MYO10: variants seen among roughly 807,000 people sequenced by gnomAD.
MYO10 encodes unconventional myosin-X.
In MYO10, 133 loss-of-function variants were observed where a neutral mutation model predicts 257.3. The ratio of observed to expected loss-of-function variants is 0.52; its 90% CI spans 0.45 to 0.60. The LOEUF is 0.60. Ranked by LOEUF, MYO10 falls within the 20% of genes least tolerant of loss-of-function variation. MYO10 has a pLI of 0.00. For missense variants in MYO10, 2,399 were observed against 2,635.7 expected (o/e 0.91, Z 1.97); for synonymous variants, 1,104 against 1,028.6 (o/e 1.07, Z -1.40).
chr5:16,754,888 C>A lies in MYO10; in HGVS notation c.1869G>T (p.Met623Ile). The A allele has an allele frequency of 6.2e-7, 1 of 1,600,262 alleles. No individual in the cohort carries two copies. Among genetic ancestry groups the A allele is most frequent in the Non-Finnish European group, 8.5e-7 (1 of 1,171,408 alleles). Residue 623 changes from methionine to isoleucine, a missense_variant, in exon 19 of 41, where the codon ATG becomes ATT. By Grantham distance (10) the Met-to-Ile change is conservative (BLOSUM62 1). This residue lies in a region of MYO10 where 1,820 missense variants were observed against 1,939.4 expected (regional missense o/e 0.94). Transcript: ENST00000513610. ...SQFKDSLHSL[M>I]ATLSSSNPFF... is the part of the protein sequence containing the mutation. ...AAGGATTAGAGGAGCTTAGCGTTGC[C>A]ATTAAGGAATGCAGTGAGTCCTATT...
At position 16,833,220 on chromosome 5, in the gene MYO10, T is replaced by G. The variant is rs530427649; in HGVS notation, c.121-15053A>C. Among the ~76,000 whole-genome samples, 5 of 89,410 alleles carry G rather than the reference T, an allele frequency of 5.6e-5. No homozygotes were observed. The East Asian group carries it at 1.8e-3, about 33-fold the overall frequency. 58.7% of individuals were successfully genotyped at this position (89,410 alleles called of 152,430 possible). The stretch of plus-strand genomic sequence containing the variant: ...TAAAATATATTTTACTAGGTTTGTT[T>G]TTTTTTTTTTTGAGATTGAGTCTTA... On this transcript the variant is annotated intron_variant, in intron 2 of 40. Coordinates refer to ENST00000513610, the MANE Select transcript of MYO10 (RefSeq NM_012334.3).
intron 2 of MYO10, among the ~76,000 whole-genome samples, chr5:16,860,978 C>T (rs1356589425): frequency 2.0e-5 from 3 of 152,182 alleles, no homozygotes; most frequent in Admixed American, 1.3e-4. Flanking sequence ...ATGGCCATTT[C>T]ATCTATGAAA....
At position 16,665,652 on chromosome 5, in the gene MYO10, TTATATCTG is replaced by T. The variant is rs539191295; in HGVS notation, c.*1032_*1039del. ...CTCTCCCCCATAGTCAACATGGTTA[TTATATCTG>T]TAATCTATCCAGAATGATAGAAGCT... On this transcript the variant is annotated 3_prime_UTR_variant, in exon 41 of 41. Coordinates refer to ENST00000513610, the MANE Select transcript of MYO10 (RefSeq NM_012334.3). 1.4e-4 allele frequency: 21 copies of T among 152,604 alleles called. No homozygotes were observed. The highest frequency in any genetic ancestry group is 5.2e-4 in the Admixed American group (8 of 15,308). The allele number at this position is 152,604 out of a possible 1,614,324, so 9.5% of individuals were successfully genotyped here.
chr5:16,686,439 A>G (rs571591412), intron 28 of MYO10, among the ~76,000 whole-genome samples: 5 of 152,240 alleles, frequency 3.3e-5, no homozygotes, highest in Non-Finnish European at 7.4e-5. Flanking sequence ...CAAATATTCC[A>G]AACTCCAAAA....
At chr5:16,743,689 G>A (rs1579940085) in intron 19 of MYO10, among the ~76,000 whole-genome samples, 1 of 151,800 alleles carries the variant, frequency 6.6e-6, no homozygotes, top group African/African-American at 2.4e-5. Flanking sequence ...CTTTGACCAG[G>A]GAATCAGAAA....
intron 13 of MYO10, 27 bp downstream of exon 13, chr5:16,763,628 T>A (rs754081640): frequency 3.9e-5 from 60 of 1,552,714 alleles, no homozygotes; most frequent in Non-Finnish European, 5.1e-5. Flanking sequence ...AAAAAAAAAA[T>A]TGAAATGGAA....
intron 21 of MYO10, among the ~76,000 whole-genome samples, chr5:16,710,158 C>T (rs1026922411): frequency 2.6e-5 from 4 of 152,218 alleles, no homozygotes; most frequent in South Asian, 2.1e-4. Flanking sequence ...ATTCACTCTT[C>T]GAGGACACAT....
intron 11 of MYO10, 72 bp from the exon 12 acceptor site, chr5:16,764,468 A>C (rs1028741915): frequency 1.9e-6 from 3 of 1,549,020 alleles, no homozygotes; most frequent in South Asian, 1.2e-5. Flanking sequence ...TCCATTCCCC[A>C]CTTGAGAGAC....
intron 21 of MYO10, among the ~76,000 whole-genome samples, chr5:16,708,851 C>G (rs887071035): frequency 3.9e-5 from 6 of 152,218 alleles, no homozygotes; most frequent in Non-Finnish European, 8.8e-5. Flanking sequence ...ATGTGAGCCA[C>G]TGTGCCTGGC....
chr5:16,930,822 G>A (rs1184766039), intron 1 of MYO10, among the ~76,000 whole-genome samples: 3 of 152,222 alleles, frequency 2.0e-5, no homozygotes, highest in Non-Finnish European at 4.4e-5. Context: ...GCTAAGATAG[G>A]ATGCTCTGCA....
At chr5:16,666,868 A>T (rs1464025605) in intron 40 of MYO10, 75 bp from the exon 41 acceptor site, 3 of 1,231,896 alleles carry the variant, frequency 2.4e-6, no homozygotes, top group Non-Finnish European at 2.3e-6. Flanking sequence ...AATAATCCAG[A>T]CATTCCCTGG....
intron 17 of MYO10, among the ~76,000 whole-genome samples, chr5:16,759,773 T>C (rs1346393869): frequency 6.6e-6 from 1 of 152,228 alleles, no homozygotes; most frequent in Non-Finnish European, 1.5e-5. Context: ...CATGCTATGG[T>C]GTTTTTTAAA....
rs573770637 is a variant in MYO10 at position 16,885,804 on chromosome 5, C to T, written c.22-8097G>A. 3.9e-5 allele frequency among the ~76,000 whole-genome samples: 6 copies of T among 152,096 alleles called. No homozygotes were observed. In the South Asian group the frequency reaches 1.2e-3, roughly 32 times the overall value. ...GAGCACTGTGAGCTGGGGCACAACC[C>T]TAAGATTCAGAAATGAAGGGGAAGG... is the stretch of plus-strand genomic sequence containing the variant. On this transcript the variant is annotated intron_variant, in intron 1 of 40. Transcript: ENST00000513610.
chr5:16,735,487 T>C (rs1362573126), intron 19 of MYO10, among the ~76,000 whole-genome samples: 3 of 152,042 alleles, frequency 2.0e-5, no homozygotes, highest in African/African-American at 7.2e-5. Flanking sequence ...GAAGGATTGC[T>C]TGAGCCCAGG....
At chr5:16,810,866 G>C (rs991703912) in intron 3 of MYO10, among the ~76,000 whole-genome samples, 7 of 151,940 alleles carry the variant, frequency 4.6e-5, no homozygotes, top group Non-Finnish European at 8.8e-5. Context: ...AGGTCAGTTC[G>C]AGACCAGCCT....
chr5:16,774,662 C>A (rs1426356499), intron 9 of MYO10, among the ~76,000 whole-genome samples: 1 of 152,140 alleles, frequency 6.6e-6, no homozygotes, highest in Non-Finnish European at 1.5e-5. Context: ...ACCTCATGAT[C>A]TGCCTGCCTC....
chr5:16,774,419 A>T (rs1200245515), intron 9 of MYO10, among the ~76,000 whole-genome samples: 4 of 152,118 alleles, frequency 2.6e-5, no homozygotes, highest in East Asian at 3.9e-4. Flanking sequence ...TTATTTATTT[A>T]TTTTTTTAAT....
rs778335067 is a variant in MYO10 at position 16,701,210 on chromosome 5, C to T, written c.3185G>A (p.Ser1062Asn). Residue 1062 changes from serine to asparagine, a missense_variant, in exon 25 of 41, where the codon AGC becomes AAC. Around this residue, in one of 3 missense-constraint regions of MYO10, gnomAD observed 1,820 missense variants for 1,939.4 expected, o/e 0.94. Transcript: ENST00000513610. This position sits in a 1 kb window ranked among gnomAD's most constrained non-coding sequence, Gnocchi z 8.1. ...CTCGCCGCTGGAGGAGTTGTGTAGG[C>T]TCCCGGAGTCCTGCACTGATGGGGC... The part of the protein sequence containing the change: ...LLAPSVQDSG[S>N]LHNSSSGEST... The T allele has an allele frequency of 6.2e-6, 10 of 1,611,398 alleles. No individual in the cohort carries two copies. The Middle Eastern group carries it at 5.0e-4, about 80-fold the overall frequency.
intron 36 of MYO10, among the ~76,000 whole-genome samples, chr5:16,673,231 C>T (rs1434115308): frequency 1.6e-4 from 23 of 141,236 alleles, no homozygotes; most frequent in African/African-American, 5.3e-4. Flanking sequence ...GGGTGGGGGT[C>T]GGGGTGGTGG....
Sources: gnomAD v4.1 joint callset for allele counts (sites outside exome capture counted in the v4.1 genomes callset) on GRCh38, gnomAD v4.1.1 for gene constraint, gnomAD v4.1.1 regional missense constraint, Gnocchi (gnomAD v3.1) non-coding constraint, MANE v1.5 for transcripts, NCBI Gene and HGNC (gene_info 2026-07-23, HGNC 2026-07-21) for gene names.